KCNQ5: variants seen among roughly 807,000 people sequenced by gnomAD.
The protein encoded by KCNQ5 is potassium voltage-gated channel subfamily Q member 5.
KCNQ5 carries 30 observed loss-of-function variants against 98.2 expected under a neutral mutation model. The ratio of observed to expected loss-of-function variants is 0.31; its 90% CI spans 0.23 to 0.41. The LOEUF (loss-of-function observed/expected upper bound fraction) is 0.41, where lower values mean the gene tolerates loss of function less well. KCNQ5 is among the 10% of genes least tolerant of loss of function. KCNQ5 has a pLI of 1.00. For synonymous variants in KCNQ5, 458 were observed against 449.4 expected (o/e 1.02, Z -0.24); for missense variants, 835 against 1,182.5 (o/e 0.71, Z 4.31).
At chr6:73,146,536 A>G (rs6906616) in intron 10 of KCNQ5, among the ~76,000 whole-genome samples, 32,376 of 145,134 alleles carry the variant, frequency 0.22, 8,281 homozygotes, top group African/African-American at 0.62. Context: ...GAGAAATGGG[A>G]GGATCTTTTG....
intron 1 of KCNQ5, among the ~76,000 whole-genome samples, chr6:72,635,548 C>T (rs2098923546): frequency 6.6e-6 from 1 of 151,856 alleles, no homozygotes; most frequent in African/African-American, 2.4e-5. Flanking sequence ...AGTGTGAATA[C>T]ATTTCATTCA....
intron 1 of KCNQ5, among the ~76,000 whole-genome samples, chr6:72,695,504 C>A (rs570365161): frequency 6.6e-6 from 1 of 152,252 alleles, no homozygotes; most frequent in East Asian, 1.9e-4. Flanking sequence ...CCTCTCCATC[C>A]CATTCACCTC....
intron 11 of KCNQ5, among the ~76,000 whole-genome samples, chr6:73,182,408 G>C (rs1361257244): frequency 6.6e-6 from 1 of 152,140 alleles, no homozygotes; most frequent in Non-Finnish European, 1.5e-5. Context: ...GCTCCCAGCT[G>C]TGTTTAGAGA....
At chr6:72,650,193 A>C (rs1345771302) in intron 1 of KCNQ5, among the ~76,000 whole-genome samples, 1 of 152,100 alleles carries the variant, frequency 6.6e-6, no homozygotes. Context: ...TTCAACTAGT[A>C]ATTGTTATTC....
chr6:72,800,561 C>A (rs1412750390), intron 1 of KCNQ5, among the ~76,000 whole-genome samples: 3 of 152,018 alleles, frequency 2.0e-5, no homozygotes, highest in Admixed American at 6.6e-5. Context: ...TTTTGTTGAT[C>A]CTTTCAAAAA....
intron 1 of KCNQ5, among the ~76,000 whole-genome samples, chr6:72,763,281 A>G (rs1772380179): frequency 6.6e-6 from 1 of 152,038 alleles, no homozygotes; most frequent in Non-Finnish European, 1.5e-5. Flanking sequence ...CCCCACAGGC[A>G]GGATGTGTTG....
At chr6:72,736,426 G>T (rs1770835722) in intron 1 of KCNQ5, among the ~76,000 whole-genome samples, 1 of 151,322 alleles carries the variant, frequency 6.6e-6, no homozygotes, top group African/African-American at 2.4e-5. Context: ...ATGATAATCT[G>T]CTTATGAAGT....
chr6:72,838,721 C>A (rs1226051335), intron 1 of KCNQ5, among the ~76,000 whole-genome samples: 2 of 151,570 alleles, frequency 1.3e-5, no homozygotes, highest in East Asian at 3.9e-4. Flanking sequence ...GAGGCCGAGG[C>A]GGGCGGATCA....
chr6:72,689,393 T>C (rs1768103782), intron 1 of KCNQ5, among the ~76,000 whole-genome samples: 1 of 152,284 alleles, frequency 6.6e-6, no homozygotes, highest in Non-Finnish European at 1.5e-5. Flanking sequence ...CATCCCTAAC[T>C]CATCCAAAGT....
At chr6:73,078,898 G>A (rs565383252) in intron 5 of KCNQ5, among the ~76,000 whole-genome samples, 1 of 152,228 alleles carries the variant, frequency 6.6e-6, no homozygotes, top group South Asian at 2.1e-4. Flanking sequence ...ACAGTCATTG[G>A]AGCTATGCCG....
chr6:72,825,773 A>T (rs1038309339), intron 1 of KCNQ5, among the ~76,000 whole-genome samples: 1 of 152,140 alleles, frequency 6.6e-6, no homozygotes, highest in African/African-American at 2.4e-5. Flanking sequence ...GTCTACCCAC[A>T]CTAGCACATG....
intron 11 of KCNQ5, among the ~76,000 whole-genome samples, chr6:73,172,268 A>G (rs1000223158): frequency 6.6e-6 from 1 of 152,116 alleles, no homozygotes; most frequent in Non-Finnish European, 1.5e-5. Context: ...TCAAATTAAC[A>G]GATTGTGTCG....
intron 10 of KCNQ5, among the ~76,000 whole-genome samples, chr6:73,167,701 G>A (rs2350387): frequency 0.71 from 107,839 of 152,186 alleles, 39,520 homozygotes; most frequent in African/African-American, 0.88. Context: ...TGGATAACCA[G>A]TAAAGACTAG....
intron 1 of KCNQ5, among the ~76,000 whole-genome samples, chr6:72,741,907 C>T (rs1771146314): frequency 6.6e-6 from 1 of 152,110 alleles, no homozygotes; most frequent in African/African-American, 2.4e-5. Context: ...CTCCATTGTC[C>T]CCTAAGTCTG....
chr6:73,133,681 G>T, intron 10 of KCNQ5, 40 bp downstream of exon 10: 3 of 1,530,508 alleles, frequency 2.0e-6, no homozygotes, highest in Non-Finnish European at 1.8e-6. Context: ...AATTGGATAG[G>T]CTATAGTGAG....
At chr6:72,895,623 C>T (rs1328900149) in intron 1 of KCNQ5, among the ~76,000 whole-genome samples, 1 of 149,636 alleles carries the variant, frequency 6.7e-6, no homozygotes, top group Non-Finnish European at 1.5e-5. Context: ...AGTTGTTGAA[C>T]CACTGAGGAA....
At chr6:72,941,578 C>CCTCCCTTCCTTCCTTCCTCCTTCCCTCG (rs74203811) in intron 1 of KCNQ5, among the ~76,000 whole-genome samples, 10 of 113,038 alleles carry the variant, frequency 8.8e-5, no homozygotes, top group Non-Finnish European at 1.8e-4. Context: ...TTCCTCCTTC[C>CCTCCCTTCCTTCCTTCCTCCTTCCCTCG]CTCCCTCCCT....
intron 1 of KCNQ5, among the ~76,000 whole-genome samples, chr6:72,897,021 A>G (rs1779278717): frequency 6.6e-6 from 1 of 151,914 alleles, no homozygotes; most frequent in Admixed American, 6.6e-5. Flanking sequence ...TATTATAGTC[A>G]TCTTAGGAGG....
At chr6:72,751,032 A>G (rs1364782793) in intron 1 of KCNQ5, among the ~76,000 whole-genome samples, 1 of 152,088 alleles carries the variant, frequency 6.6e-6, no homozygotes, top group Non-Finnish European at 1.5e-5. Context: ...TGGCTAAGAT[A>G]TGGTTCCTAC....
Sources: gnomAD v4.1 joint callset for allele counts (sites outside exome capture counted in the v4.1 genomes callset) on GRCh38, gnomAD v4.1.1 for gene constraint, MANE v1.5 for transcripts, NCBI Gene and HGNC (gene_info 2026-07-23, HGNC 2026-07-21) for gene names.